LRRC3B: variants seen among roughly 807,000 people sequenced by gnomAD.
LRRC3B encodes the protein leucine rich repeat containing 3B, also known as leucine-rich repeat-containing protein 3B.
LRRC3B carries 2 observed loss-of-function variants against 12.8 expected under a neutral mutation model. The observed-to-expected ratio is 0.16, with a 90% CI of 0.06 to 0.49. LRRC3B has a LOEUF of 0.49. Among genes scored for constraint, LRRC3B ranks in the 20% least tolerant of loss-of-function variants. LRRC3B has a pLI of 0.96. For synonymous variants in LRRC3B, 132 were observed against 122.0 expected (o/e 1.08, Z -0.54); for missense variants, 189 against 319.4 (o/e 0.59, Z 3.11).
intron 1 of LRRC3B, among the ~76,000 whole-genome samples, chr3:26,657,543 TC>T (rs554507733): frequency 1.5e-3 from 225 of 152,316 alleles, no homozygotes; most frequent in Middle Eastern, 3.4e-3. Context: ...ATTCTAACTT[TC>T]TTATTTGCTA....
At chr3:26,688,293 G>A (rs905532647) in intron 1 of LRRC3B, among the ~76,000 whole-genome samples, 7 of 152,134 alleles carry the variant, frequency 4.6e-5, no homozygotes, top group African/African-American at 1.4e-4. Flanking sequence ...ATAAAGAACC[G>A]CAGAAAGAAT....
At chr3:26,647,677 C>T (rs548879083) in intron 1 of LRRC3B, among the ~76,000 whole-genome samples, 153 of 152,288 alleles carry the variant, frequency 1.0e-3, no homozygotes, top group African/African-American at 3.5e-3. Context: ...CATGATTTAA[C>T]GCCTGATACA....
At chr3:26,655,619 C>T (rs1038702573) in intron 1 of LRRC3B, among the ~76,000 whole-genome samples, 1 of 152,104 alleles carries the variant, frequency 6.6e-6, no homozygotes, top group Non-Finnish European at 1.5e-5. Context: ...TTAGCTTTAT[C>T]TTTTTAGTTA....
chr3:26,654,517 T>C (rs1361346322), intron 1 of LRRC3B, among the ~76,000 whole-genome samples: 1 of 152,196 alleles, frequency 6.6e-6, no homozygotes, highest in Non-Finnish European at 1.5e-5. Context: ...GGATTACCTG[T>C]ATGCTCTGGG....
chr3:26,684,548 C>T (rs1189245491), intron 1 of LRRC3B, among the ~76,000 whole-genome samples: 1 of 152,192 alleles, frequency 6.6e-6, no homozygotes, highest in Non-Finnish European at 1.5e-5. Context: ...GTTCTGGATA[C>T]TGAGAAGTCC....
intron 1 of LRRC3B, among the ~76,000 whole-genome samples, chr3:26,647,248 T>A (rs1472945900): frequency 6.6e-6 from 1 of 152,024 alleles, no homozygotes; most frequent in Non-Finnish European, 1.5e-5. Flanking sequence ...TACCCTGAGG[T>A]TTTTCTTCAT....
chr3:26,658,410 T>C (rs1037124593), intron 1 of LRRC3B, among the ~76,000 whole-genome samples: 3 of 152,188 alleles, frequency 2.0e-5, no homozygotes, highest in Non-Finnish European at 4.4e-5. Flanking sequence ...TGCAGAGAGA[T>C]AGCCCAATGC....
chr3:26,660,046 GCA>G (rs1221135505), intron 1 of LRRC3B, among the ~76,000 whole-genome samples: 1 of 152,018 alleles, frequency 6.6e-6, no homozygotes, highest in Non-Finnish European at 1.5e-5. Flanking sequence ...TCTTCCAGCT[GCA>G]CACATTTTTC....
chr3:26,709,632 G>A (rs778426828), exon 2 of LRRC3B: 11 of 1,590,128 alleles, frequency 6.9e-6, no homozygotes, highest in African/African-American at 5.4e-5. Context: ...GCTTGTTGGA[G>A]TAGATGAGGA....
intron 1 of LRRC3B, among the ~76,000 whole-genome samples, chr3:26,654,561 T>C (rs777231801): frequency 2.0e-5 from 3 of 152,170 alleles, no homozygotes; most frequent in Non-Finnish European, 4.4e-5. Context: ...CAGAAAGACT[T>C]CTTTGATGGG....
At chr3:26,653,739 A>T (rs1016287891) in intron 1 of LRRC3B, among the ~76,000 whole-genome samples, 1 of 152,186 alleles carries the variant, frequency 6.6e-6, no homozygotes, top group Non-Finnish European at 1.5e-5. Context: ...ACCATGAATT[A>T]TAATGTCCCC....
rs976399159 is a variant in LRRC3B at position 26,663,614 on chromosome 3, T to C, written c.-161+40377T>C. On this transcript the variant is annotated intron_variant, in intron 1 of 1. Transcript: ENST00000396641. ...AAAGCTTTCCATTGACTGTGTTGAT[T>C]TGGAATATTAATTGTATCTAGCTTT... Among the ~76,000 whole-genome samples the C allele has an allele frequency of 3.9e-5, 6 of 152,254 alleles. No individual in the cohort carries two copies. The East Asian group carries it at 1.2e-3, about 29-fold the overall frequency.
At chr3:26,695,226 T>C (rs1004440369) in intron 1 of LRRC3B, among the ~76,000 whole-genome samples, 1 of 152,214 alleles carries the variant, frequency 6.6e-6, no homozygotes, top group African/African-American at 2.4e-5. Flanking sequence ...TTAATTCTAT[T>C]ATTTTTTAAA....
intron 1 of LRRC3B, among the ~76,000 whole-genome samples, chr3:26,639,131 A>G (rs1698965306): frequency 6.6e-6 from 1 of 152,234 alleles, no homozygotes; most frequent in South Asian, 2.1e-4. Flanking sequence ...TTCAATACAA[A>G]TATAATGGTA....
Position 26,630,772 on chromosome 3 carries a change from T to G in LRRC3B, c.-161+7535T>G, listed in dbSNP as rs148304641. Among the ~76,000 whole-genome samples, 377 of 152,334 alleles carry G rather than the reference T, an allele frequency of 2.5e-3. 1 individual carries two copies. Among genetic ancestry groups the G allele is most frequent in the African/African-American group, 7.3e-3 (302 of 41,580 alleles). On this transcript the variant is annotated intron_variant, in intron 1 of 1. Transcript: ENST00000396641. ...TATTGGTGGATGCCTTGAATTCTAT[T>G]GGTAGATGCCTTGGAGGTCTCTAAC...
chr3:26,640,038 C>T (rs1023774291), intron 1 of LRRC3B, among the ~76,000 whole-genome samples: 5 of 152,156 alleles, frequency 3.3e-5, no homozygotes, highest in African/African-American at 4.8e-5. Flanking sequence ...ATGTTCCTTG[C>T]TCCAAGCCCC....
At chr3:26,679,352 C>T (rs192768786) in intron 1 of LRRC3B, among the ~76,000 whole-genome samples, 1 of 152,320 alleles carries the variant, frequency 6.6e-6, no homozygotes, top group African/African-American at 2.4e-5. Flanking sequence ...TTTGAGATCT[C>T]CATGGTCTCC....
chr3:26,693,161 T>G (rs1263027112), intron 1 of LRRC3B, among the ~76,000 whole-genome samples: 1 of 151,028 alleles, frequency 6.6e-6, no homozygotes, highest in Non-Finnish European at 1.5e-5. Flanking sequence ...AAACCCCGTC[T>G]CTACTAAAAA....
intron 1 of LRRC3B, among the ~76,000 whole-genome samples, chr3:26,664,208 C>T (rs1005484513): frequency 6.6e-6 from 1 of 152,070 alleles, no homozygotes; most frequent in Admixed American, 6.6e-5. Context: ...TGCTGGAATA[C>T]TTCATTCACT....
Sources: allele counts gnomAD v4.1 joint callset (sites outside exome capture counted in the v4.1 genomes callset), GRCh38; gene constraint gnomAD v4.1.1; transcripts MANE v1.5; gene names NCBI Gene and HGNC (gene_info 2026-07-23, HGNC 2026-07-21).